USH1C: variants seen among roughly 807,000 people sequenced by gnomAD.
USH1C encodes the protein harmonin.
In USH1C, 90 loss-of-function variants were observed where a neutral mutation model predicts 119.3. That is an observed-to-expected ratio of 0.75 (90% CI 0.64 to 0.90). USH1C has a LOEUF of 0.90. USH1C is among the 40% of genes least tolerant of loss of function. The probability of loss-of-function intolerance (pLI) is 0.00; values close to 1 mark genes in which losing one functional copy is unlikely to be tolerated. For missense variants in USH1C, 1,165 were observed against 1,167.7 expected (o/e 1.00, Z 0.03); for synonymous variants, 465 against 443.3 (o/e 1.05, Z -0.62).
chr11:17,509,739 C>A lies in USH1C; in HGVS notation c.1630G>T (p.Asp544Tyr). Reference protein sequence around the residue: ...GGLHLHTTDLDDIPLDMFYYP... With the variant: ...GGLHLHTTDLYDIPLDMFYYP... The stretch of plus-strand genomic sequence containing the variant: ...TAGAACATGTCCAAAGGGATGTCGT[C>A]CAGGTCAGTGGTGTGCAGGTGCAGT... Residue 544 changes from aspartate to tyrosine, a missense_variant, in exon 18 of 27, where the codon GAC becomes TAC. Physicochemically the swap from Asp to Tyr is radical, Grantham distance 160. Coordinates refer to ENST00000005226, the MANE Select transcript of USH1C (RefSeq NM_153676.4). 6.2e-7 allele frequency: 1 copy of A among 1,601,864 alleles called. No individual in the cohort carries two copies.
At chr11:17,523,631 T>C (rs1477314083) in intron 9 of USH1C, among the ~76,000 whole-genome samples, 153 bp from the exon 10 acceptor site, 1 of 152,212 alleles carries the variant, frequency 6.6e-6, no homozygotes, top group Non-Finnish European at 1.5e-5. Flanking sequence ...GTTGGAAAGC[T>C]CTGGTGGAGC....
chr11:17,525,761 T>A (rs995165514), intron 8 of USH1C, among the ~76,000 whole-genome samples: 1 of 152,216 alleles, frequency 6.6e-6, no homozygotes, highest in South Asian at 2.1e-4. Flanking sequence ...CAGGCTCCTT[T>A]TGCAGTGACT....
chr11:17,530,969 G>T (rs889674574), intron 4 of USH1C, among the ~76,000 whole-genome samples, 185 bp downstream of exon 4: 1 of 152,188 alleles, frequency 6.6e-6, no homozygotes, highest in Non-Finnish European at 1.5e-5. Flanking sequence ...AAGAAAACAG[G>T]CAATTGCCTG....
chr11:17,532,636 C>T (rs1379342213), intron 2 of USH1C, among the ~76,000 whole-genome samples: 2 of 152,170 alleles, frequency 1.3e-5, no homozygotes, highest in Non-Finnish European at 2.9e-5. Context: ...TTGCTCAAGC[C>T]TTCCTGGTCC....
In USH1C at chr11:17,516,245, C is replaced by T. The variant is rs925753926; in HGVS notation, c.1256G>A (p.Arg419Gln). 1.4e-5 allele frequency: 23 copies of T among 1,613,718 alleles called. No homozygotes were observed. Among genetic ancestry groups the T allele is most frequent in the African/African-American group, 1.3e-4 (10 of 75,040 alleles). ...YRYDGKFPTI[R>Q]KKGKDKKKAK... ...CAGCACCCAACCCTGTCCTACCTTC[C>T]GGATGGTTGGGAATTTGCCATCGTA... Residue 419 changes from arginine (R) to glutamine (Q), a missense_variant, in exon 15 of 27, where the codon CGG becomes CAG. Transcript: ENST00000005226.
intron 4 of USH1C, among the ~76,000 whole-genome samples, chr11:17,528,748 A>T (rs754382996): frequency 3.9e-5 from 6 of 151,974 alleles, no homozygotes; most frequent in Non-Finnish European, 8.8e-5. Flanking sequence ...CGGGACACAG[A>T]CCCCAGTCTT....
intron 1 of USH1C, among the ~76,000 whole-genome samples, chr11:17,539,351 G>T (rs988304175): frequency 6.6e-6 from 1 of 152,130 alleles, no homozygotes; most frequent in Non-Finnish European, 1.5e-5. Flanking sequence ...TAGAGCCAAA[G>T]AACCCCTTCC....
chr11:17,539,744 G>GCTTT (rs1021055600), intron 1 of USH1C, among the ~76,000 whole-genome samples: 1 of 150,782 alleles, frequency 6.6e-6, no homozygotes, highest in East Asian at 1.9e-4. Context: ...TTTTTCTTTT[G>GCTTT]CTTTCTTTCT....
chr11:17,498,252 G>A lies in USH1C; in HGVS notation c.2400C>T (p.Asp800=), dbSNP rs139787873. The change falls in exon 24 of 27, where the codon GAC becomes GAT. Residue 800 remains aspartate, a synonymous_variant. Transcript: ENST00000005226. ...TCTTGCCGTTGATTGCCATGATCTCGTCCCCTTTCACAATGCCACCTGCAG... is the reference window on the plus strand; with the variant it reads ...TCTTGCCGTTGATTGCCATGATCTCATCCCCTTTCACAATGCCACCTGCAG... The part of the protein sequence containing the change: ...AERHGGIVKG[D]EIMAINGKIV... 52 of 1,614,108 alleles carry A rather than the reference G, an allele frequency of 3.2e-5. No homozygotes were observed. Among genetic ancestry groups the A allele is most frequent in the Admixed American group, 1.7e-4 (10 of 60,018 alleles).
intron 4 of USH1C, among the ~76,000 whole-genome samples, 166 bp downstream of exon 4, chr11:17,530,988 T>C (rs1324053670): frequency 6.6e-6 from 1 of 152,218 alleles, no homozygotes; most frequent in African/African-American, 2.4e-5. Flanking sequence ...TGCGGCCTGA[T>C]TTCTATGAGC....
chr11:17,513,712 C>T (rs1023347737), intron 15 of USH1C, among the ~76,000 whole-genome samples: 2 of 152,102 alleles, frequency 1.3e-5, no homozygotes, highest in Non-Finnish European at 2.9e-5. Context: ...ATTCAGACAG[C>T]AATTTCCCAA....
rs139979052 is a variant in USH1C at position 17,539,193 on chromosome 11, A to G, written c.36+5079T>C. On this transcript the variant is annotated intron_variant, in intron 1 of 26. Transcript: ENST00000005226. ...CTTAGGCTCCCACACAAAGCTGGCC[A>G]CATCTTTCTCTGTGCACACAACAGC... Among the ~76,000 whole-genome samples, 8 of 152,242 alleles carry G rather than the reference A, an allele frequency of 5.3e-5. No homozygotes were observed. In the East Asian group the frequency reaches 1.5e-3, roughly 29 times the overall value.
In USH1C at chr11:17,531,149, C is replaced by G. The variant is rs1850950662; in HGVS notation, c.387+5G>C. The G allele has an allele frequency of 1.9e-6, 3 of 1,614,058 alleles. No homozygotes were observed. Among genetic ancestry groups the G allele is most frequent in the Non-Finnish European group, 2.5e-6 (3 of 1,180,020 alleles). ...CTCCCCCTCCCCCGGACTCTGTTTG[C>G]TCACCTGGAGCCCGACGCTGTCTGC... On this transcript the variant is annotated splice_donor_5th_base_variant and intron_variant, in intron 4 of 26. Transcript: ENST00000005226. This position sits in a 1 kb window ranked among gnomAD's most constrained non-coding sequence, Gnocchi z 4.2.
chr11:17,503,533 G>T (rs1849526836), intron 20 of USH1C, among the ~76,000 whole-genome samples: 1 of 152,188 alleles, frequency 6.6e-6, no homozygotes, highest in Non-Finnish European at 1.5e-5. Flanking sequence ...AGTGGGCAGG[G>T]GAGCAAGGGT....
chr11:17,516,962 C>T (rs867045008), intron 14 of USH1C, among the ~76,000 whole-genome samples: 1 of 152,118 alleles, frequency 6.6e-6, no homozygotes, highest in Non-Finnish European at 1.5e-5. Context: ...GTAATACCCC[C>T]AATCTGAAGC....
chr11:17,505,031 G>A (rs560028192), intron 19 of USH1C, among the ~76,000 whole-genome samples: 1 of 152,356 alleles, frequency 6.6e-6, no homozygotes, highest in South Asian at 2.1e-4. Flanking sequence ...TTTGGATAGA[G>A]TTTCCTTGAA....
intron 23 of USH1C, among the ~76,000 whole-genome samples, chr11:17,500,720 C>T (rs1486077670): frequency 6.6e-6 from 1 of 152,172 alleles, no homozygotes; most frequent in African/African-American, 2.4e-5. Context: ...CCTCAGGGTT[C>T]CCATGGCTTC....
chr11:17,513,450 A>G (rs550457461), intron 15 of USH1C, among the ~76,000 whole-genome samples: 1 of 152,274 alleles, frequency 6.6e-6, no homozygotes, highest in East Asian at 1.9e-4. Flanking sequence ...CACAACATTC[A>G]TCCACAGCTG....
intron 25 of USH1C, 138 bp downstream of exon 25, chr11:17,496,620 G>C (rs1849257069): frequency 2.8e-6 from 3 of 1,083,858 alleles, no homozygotes; most frequent in Non-Finnish European, 4.2e-6. Flanking sequence ...GAGTTTTCTA[G>C]GAGCTCTGGC....
Sources: gnomAD v4.1 joint callset for allele counts (sites outside exome capture counted in the v4.1 genomes callset) on GRCh38, gnomAD v4.1.1 for gene constraint, Gnocchi (gnomAD v3.1) non-coding constraint, MANE v1.5 for transcripts, NCBI Gene and HGNC (gene_info 2026-07-23, HGNC 2026-07-21) for gene names.